The following PCDH15 variants were observed in gnomAD, a reference collection of about 807,000 sequenced individuals.
PCDH15 encodes protocadherin-15.
PCDH15 carries 129 observed loss-of-function variants against 178.5 expected under a neutral mutation model. The observed-to-expected ratio is 0.72, with a 90% CI of 0.63 to 0.84. The LOEUF is 0.84. PCDH15 is among the 40% of genes least tolerant of loss of function. The pLI is 0.00. For synonymous variants in PCDH15, 800 were observed against 732.0 expected (o/e 1.09, Z -1.50); for missense variants, 2,230 against 2,099.9 (o/e 1.06, Z -1.21).
At chr10:55,091,368 T>C (rs962995355) in intron 2 of PCDH15, among the ~76,000 whole-genome samples, 33 of 151,972 alleles carry the variant, frequency 2.2e-4, no homozygotes, top group Non-Finnish European at 2.5e-4. Context: ...CTATAGAGTT[T>C]GCTAATAACA....
intron 2 of PCDH15, among the ~76,000 whole-genome samples, chr10:54,590,425 T>C (rs2091805413): frequency 6.6e-6 from 1 of 152,220 alleles, no homozygotes; most frequent in Non-Finnish European, 1.5e-5. Context: ...TTTGTAATTT[T>C]CTGCGTTCCA....
At chr10:54,689,653 T>G (rs895962478) in intron 1 of PCDH15, among the ~76,000 whole-genome samples, 2 of 152,166 alleles carry the variant, frequency 1.3e-5, no homozygotes, top group African/African-American at 4.8e-5. Context: ...AGTAATTGTG[T>G]TCATCCCAAA....
intron 2 of PCDH15, among the ~76,000 whole-genome samples, chr10:55,516,674 G>T (rs144709718): frequency 1.3e-5 from 2 of 152,056 alleles, no homozygotes; most frequent in Non-Finnish European, 2.9e-5. Flanking sequence ...ATCAATTGGC[G>T]AGAAGAAGGA....
intron 14 of PCDH15, among the ~76,000 whole-genome samples, chr10:54,139,120 G>T (rs1187262178): frequency 6.6e-6 from 1 of 152,110 alleles, no homozygotes; most frequent in Non-Finnish European, 1.5e-5. Flanking sequence ...AGGTGTCATG[G>T]TTTGGCATAG....
chr10:55,396,840 A>G (rs1837940544), intron 2 of PCDH15, among the ~76,000 whole-genome samples: 1 of 152,194 alleles, frequency 6.6e-6, no homozygotes, highest in Admixed American at 6.5e-5. Context: ...ACAGTGACAC[A>G]TGGAATTTCG....
chr10:55,372,631 C>T (rs190733755), intron 2 of PCDH15, among the ~76,000 whole-genome samples: 18 of 152,180 alleles, frequency 1.2e-4, no homozygotes, highest in East Asian at 1.2e-3. Context: ...TTCCAAATCC[C>T]TCATGATGAG....
At chr10:55,209,834 G>A (rs538792291) in intron 1 of PCDH15, among the ~76,000 whole-genome samples, 20 of 152,140 alleles carry the variant, frequency 1.3e-4, no homozygotes, top group East Asian at 5.8e-4. Flanking sequence ...TCAAAAAAGC[G>A]ATCCATGCTA....
chr10:54,969,912 C>A (rs1030947695), intron 2 of PCDH15, among the ~76,000 whole-genome samples: 4 of 152,172 alleles, frequency 2.6e-5, no homozygotes, highest in Non-Finnish European at 5.9e-5. Context: ...GAAAATTCCC[C>A]AGAGATGTTC....
At chr10:54,931,694 G>T (rs1837780655) in intron 2 of PCDH15, among the ~76,000 whole-genome samples, 1 of 152,186 alleles carries the variant, frequency 6.6e-6, no homozygotes, top group Admixed American at 6.6e-5. Context: ...TTTGGTGATT[G>T]TACTGCCTTT....
At chr10:55,523,289 AT>A (rs962912912) in intron 2 of PCDH15, among the ~76,000 whole-genome samples, 3 of 149,820 alleles carry the variant, frequency 2.0e-5, no homozygotes, top group Non-Finnish European at 4.5e-5. Flanking sequence ...TATTTTCTTC[AT>A]TTTTTTCTTT....
intron 1 of PCDH15, among the ~76,000 whole-genome samples, chr10:55,170,973 C>T (rs918953663): frequency 6.6e-6 from 1 of 152,182 alleles, no homozygotes; most frequent in African/African-American, 2.4e-5. Flanking sequence ...ACCTCACTTC[C>T]TGATGTATCT....
At chr10:54,267,296 A>G (rs979422813) in intron 8 of PCDH15, among the ~76,000 whole-genome samples, 4 of 151,894 alleles carry the variant, frequency 2.6e-5, no homozygotes, top group African/African-American at 9.7e-5. Flanking sequence ...AGAACCATCT[A>G]TTGACAAACC....
intron 3 of PCDH15, among the ~76,000 whole-genome samples, chr10:54,472,914 A>G (rs969985569): frequency 1.3e-5 from 2 of 152,150 alleles, no homozygotes; most frequent in Admixed American, 6.6e-5. Context: ...AGTTGAAAAG[A>G]GTTATTTTTT....
chr10:54,369,207 G>A lies in PCDH15; in HGVS notation c.387C>T (p.Ile129=). The part of the protein sequence containing the change: ...QCINKKVGTI[I]YHEVRIVVRD... ...TCACCACTATTCGCACTTCATGGTAGATAATAGTGCCCACTTTTTTGTTGA... is the reference window on the plus strand; with the variant it reads ...TCACCACTATTCGCACTTCATGGTAAATAATAGTGCCCACTTTTTTGTTGA... The change falls in exon 5 of 38, where the codon ATC becomes ATT. Residue 129 remains isoleucine, a synonymous_variant. Transcript: ENST00000644397. The A allele has an allele frequency of 6.2e-7, 1 of 1,613,008 alleles. No individual in the cohort carries two copies. Among genetic ancestry groups the A allele is most frequent in the East Asian group, 2.2e-5 (1 of 44,830 alleles).
At chr10:54,551,325 A>G (rs907544257) in intron 2 of PCDH15, among the ~76,000 whole-genome samples, 1 of 152,068 alleles carries the variant, frequency 6.6e-6, no homozygotes, top group African/African-American at 2.4e-5. Flanking sequence ...CTATACAAAA[A>G]CAAGATGAAC....
chr10:55,300,691 T>C (rs138041658), intron 1 of PCDH15, among the ~76,000 whole-genome samples: 59 of 152,250 alleles, frequency 3.9e-4, no homozygotes, highest in African/African-American at 1.4e-3. Flanking sequence ...GAAAAACATG[T>C]ATAGGAAGCT....
intron 2 of PCDH15, among the ~76,000 whole-genome samples, chr10:55,367,635 G>A (rs186631510): frequency 2.0e-4 from 30 of 152,016 alleles, no homozygotes; most frequent in African/African-American, 7.2e-4. Flanking sequence ...AAAAAAAAGA[G>A]GTTCAGAGAT....
At chr10:54,853,420 C>CATATATATATACACATACACAT in intron 3 of PCDH15, among the ~76,000 whole-genome samples, 1 of 142,198 alleles carries the variant, frequency 7.0e-6, no homozygotes, top group South Asian at 2.2e-4. Context: ...TATACACATA[C>CATATATATATACACATACACAT]ATATATATAT....
intron 21 of PCDH15, among the ~76,000 whole-genome samples, chr10:53,991,946 C>T (rs1156881324): frequency 6.6e-6 from 1 of 152,100 alleles, no homozygotes; most frequent in East Asian, 1.9e-4. Flanking sequence ...AAGCCAGCAG[C>T]CGCAACCCGC....
Sources: gnomAD v4.1 joint callset for allele counts (sites outside exome capture counted in the v4.1 genomes callset) on GRCh38, gnomAD v4.1.1 for gene constraint, MANE v1.5 for transcripts, NCBI Gene and HGNC (gene_info 2026-07-23, HGNC 2026-07-21) for gene names.